SYT1: variants seen among roughly 807,000 people sequenced by gnomAD.
SYT1 encodes synaptotagmin 1.
SYT1 carries 8 observed loss-of-function variants against 44.8 expected under a neutral mutation model. That is an observed-to-expected ratio of 0.18 (90% CI 0.10 to 0.32). The LOEUF is 0.32. Among genes scored for constraint, SYT1 ranks in the 10% least tolerant of loss-of-function variants. SYT1 has a pLI of 1.00. For synonymous variants in SYT1, 154 were observed against 188.8 expected, an observed-to-expected ratio of 0.82 and a Z score of 1.51; for missense variants, 286 against 509.3, an observed-to-expected ratio of 0.56 and a Z score of 4.22.
chr12:79,104,625 A>G (rs1477874886), intron 3 of SYT1, among the ~76,000 whole-genome samples: 1 of 151,978 alleles, frequency 6.6e-6, no homozygotes, highest in Non-Finnish European at 1.5e-5. Flanking sequence ...GAACTTGTCC[A>G]AGGGCTAGAC....
intron 3 of SYT1, among the ~76,000 whole-genome samples, chr12:79,157,590 G>C (rs898457375): frequency 4.8e-4 from 73 of 152,192 alleles, no homozygotes; most frequent in African/African-American, 1.7e-3. Context: ...TGATGGTACT[G>C]TTCATCTAAT....
intron 8 of SYT1, among the ~76,000 whole-genome samples, chr12:79,326,952 A>C (rs1257619008): frequency 6.6e-6 from 1 of 152,220 alleles, no homozygotes; most frequent in Non-Finnish European, 1.5e-5. Flanking sequence ...ACTTTTTACC[A>C]AATGGCTGGA....
intron 9 of SYT1, among the ~76,000 whole-genome samples, chr12:79,428,557 C>T (rs1869584363): frequency 6.6e-6 from 1 of 152,076 alleles, no homozygotes; most frequent in Admixed American, 6.6e-5. Flanking sequence ...GGCAGAGTGT[C>T]CTCAAATGTA....
intron 1 of SYT1, among the ~76,000 whole-genome samples, chr12:78,888,086 A>G (rs563404448): frequency 6.6e-6 from 1 of 152,056 alleles, no homozygotes; most frequent in Admixed American, 6.6e-5. Flanking sequence ...TGGTAATAGT[A>G]ATAAGGAATA....
chr12:79,233,325 C>T (rs764512258), intron 4 of SYT1, among the ~76,000 whole-genome samples: 1 of 152,182 alleles, frequency 6.6e-6, no homozygotes, highest in Non-Finnish European at 1.5e-5. Flanking sequence ...TCTAACATAG[C>T]CCAGTTTCCT....
chr12:79,245,908 A>G (rs1256957786), intron 4 of SYT1, among the ~76,000 whole-genome samples: 2 of 152,110 alleles, frequency 1.3e-5, no homozygotes, highest in Non-Finnish European at 1.5e-5. Flanking sequence ...AGGGAACCAC[A>G]TGAGCAAATA....
chr12:79,279,107 C>CA (rs1565887908), intron 4 of SYT1, among the ~76,000 whole-genome samples: 1 of 151,502 alleles, frequency 6.6e-6, no homozygotes, highest in East Asian at 1.9e-4. Flanking sequence ...TCAATCCTAC[C>CA]GAAACTACTC....
intron 1 of SYT1, among the ~76,000 whole-genome samples, chr12:78,946,151 A>C (rs1878643875): frequency 6.6e-6 from 1 of 152,208 alleles, no homozygotes; most frequent in Non-Finnish European, 1.5e-5. Flanking sequence ...TTTCAATAAA[A>C]TGTCTTTTTA....
At chr12:79,261,561 T>C (rs980664024) in intron 4 of SYT1, among the ~76,000 whole-genome samples, 9 of 152,196 alleles carry the variant, frequency 5.9e-5, no homozygotes, top group Non-Finnish European at 1.3e-4. Flanking sequence ...AAGTCTCAGA[T>C]AATTTTATTG....
At chr12:79,286,665 T>G (rs1485087345) in intron 5 of SYT1, among the ~76,000 whole-genome samples, 1 of 152,158 alleles carries the variant, frequency 6.6e-6, no homozygotes, top group Non-Finnish European at 1.5e-5. Flanking sequence ...CCAAAAAAGC[T>G]ATTTGGATGT....
intron 8 of SYT1, among the ~76,000 whole-genome samples, chr12:79,330,130 C>G (rs988083361): frequency 4.6e-5 from 7 of 152,192 alleles, no homozygotes; most frequent in Non-Finnish European, 1.0e-4. Flanking sequence ...TGTGTTTGGA[C>G]ATGATTCTGC....
intron 1 of SYT1, among the ~76,000 whole-genome samples, chr12:78,904,818 T>C (rs1357878141): frequency 6.6e-6 from 1 of 152,126 alleles, no homozygotes; most frequent in African/African-American, 2.4e-5. Context: ...TATATAATTG[T>C]CATTGGCAAT....
At chr12:79,163,564 C>T (rs79856272) in intron 3 of SYT1, among the ~76,000 whole-genome samples, 1 of 152,080 alleles carries the variant, frequency 6.6e-6, no homozygotes, top group African/African-American at 2.4e-5. Context: ...ATGTAAAGAA[C>T]TTGAGTAGCC....
At chr12:78,928,018 A>G (rs1275546975) in intron 1 of SYT1, among the ~76,000 whole-genome samples, 2 of 152,186 alleles carry the variant, frequency 1.3e-5, no homozygotes, top group Non-Finnish European at 1.5e-5. Flanking sequence ...CTTGAAATAA[A>G]TAATAGTAAT....
At chr12:79,277,744 C>T (rs1248325235) in intron 4 of SYT1, among the ~76,000 whole-genome samples, 1 of 151,882 alleles carries the variant, frequency 6.6e-6, no homozygotes, top group East Asian at 1.9e-4. Flanking sequence ...AATACATAAT[C>T]CAAATATCTA....
chr12:79,100,020 G>T (rs1878353135), intron 3 of SYT1, among the ~76,000 whole-genome samples: 1 of 152,032 alleles, frequency 6.6e-6, no homozygotes. Flanking sequence ...TTAAATAATT[G>T]TACATGTTCT....
intron 6 of SYT1, among the ~76,000 whole-genome samples, chr12:79,295,720 C>T (rs1447344989): frequency 6.6e-6 from 1 of 152,178 alleles, no homozygotes; most frequent in Non-Finnish European, 1.5e-5. Flanking sequence ...AAATCATGCT[C>T]TGGAAAGAAA....
At chr12:79,059,199 A>T (rs1341067102) in intron 3 of SYT1, among the ~76,000 whole-genome samples, 2 of 152,010 alleles carry the variant, frequency 1.3e-5, no homozygotes, top group African/African-American at 4.8e-5. Context: ...CATGGGAAAG[A>T]CGCCCCCATA....
At chr12:78,913,177 G>T (rs1217222049) in intron 1 of SYT1, among the ~76,000 whole-genome samples, 2 of 151,286 alleles carry the variant, frequency 1.3e-5, no homozygotes, top group African/African-American at 2.4e-5. Flanking sequence ...TCATAGATAT[G>T]TTTTATTTAA....
Sources: allele counts gnomAD v4.1 joint callset (sites outside exome capture counted in the v4.1 genomes callset), GRCh38; gene constraint gnomAD v4.1.1; transcripts MANE v1.5; gene names NCBI Gene and HGNC (gene_info 2026-07-23, HGNC 2026-07-21).